Variants in ADK observed in about 807,000 individuals in gnomAD.
The protein encoded by ADK is adenosine kinase.
A neutral mutation model predicts 44.7 loss-of-function variants in ADK; 24 were observed. The observed-to-expected ratio is 0.54, with a 90% CI of 0.39 to 0.76. The LOEUF is 0.76. ADK is among the 30% of genes least tolerant of loss of function. The pLI, the probability that ADK is intolerant of heterozygous loss-of-function variation, is 0.00. For missense variants in ADK, 321 were observed against 425.1 expected (o/e 0.76, Z 2.15); for synonymous variants, 128 against 142.6 (o/e 0.90, Z 0.73).
intron 9 of ADK, among the ~76,000 whole-genome samples, chr10:74,649,052 C>T (rs1479527926): frequency 6.6e-6 from 1 of 151,636 alleles, no homozygotes; most frequent in Non-Finnish European, 1.5e-5. Flanking sequence ...TGGTGGCACG[C>T]AGCCTGTAGT....
intron 9 of ADK, among the ~76,000 whole-genome samples, chr10:74,668,228 A>G (rs1855037406): frequency 6.6e-6 from 1 of 152,132 alleles, no homozygotes; most frequent in Non-Finnish European, 1.5e-5. Flanking sequence ...ATAAGTATTT[A>G]TGGTACAGAC....
intron 4 of ADK, among the ~76,000 whole-genome samples, chr10:74,330,012 A>G: frequency 6.6e-6 from 1 of 151,976 alleles, no homozygotes; most frequent in Non-Finnish European, 1.5e-5. Context: ...TAATAAAAAA[A>G]AAAAAATTAG....
chr10:74,256,304 C>T (rs1307502808), intron 3 of ADK, among the ~76,000 whole-genome samples: 1 of 152,114 alleles, frequency 6.6e-6, no homozygotes, highest in Non-Finnish European at 1.5e-5. Flanking sequence ...GTCAAATTTG[C>T]AGTTTTGAAA....
intron 10 of ADK, among the ~76,000 whole-genome samples, chr10:74,699,397 G>A (rs1856333013): frequency 1.3e-5 from 2 of 152,030 alleles, no homozygotes; most frequent in Non-Finnish European, 2.9e-5. Flanking sequence ...ATAGAGTGAG[G>A]CCAGGCATGG....
chr10:74,361,046 T>G (rs1463546036), intron 4 of ADK, among the ~76,000 whole-genome samples: 1 of 152,196 alleles, frequency 6.6e-6, no homozygotes, highest in Non-Finnish European at 1.5e-5. Flanking sequence ...TAGCTGGGAC[T>G]ACAGGCGTGC....
chr10:74,617,011 A>G (rs904551007), intron 9 of ADK, among the ~76,000 whole-genome samples: 23 of 151,932 alleles, frequency 1.5e-4, no homozygotes, highest in African/African-American at 5.1e-4. Flanking sequence ...TTTGTTTTTT[A>G]CTGGTATATA....
chr10:74,343,036 A>G (rs527639984), intron 4 of ADK, among the ~76,000 whole-genome samples: 1 of 152,304 alleles, frequency 6.6e-6, no homozygotes, highest in South Asian at 2.1e-4. Flanking sequence ...AGTGGCAAGA[A>G]GAGATGTCCC....
chr10:74,656,808 A>G (rs1186965832), intron 9 of ADK, among the ~76,000 whole-genome samples: 2 of 152,196 alleles, frequency 1.3e-5, no homozygotes, highest in Admixed American at 6.5e-5. Context: ...TAAATAAATA[A>G]TCAAATGTTA....
intron 2 of ADK, among the ~76,000 whole-genome samples, chr10:74,218,244 T>G (rs1204599590): frequency 6.6e-6 from 1 of 152,126 alleles, no homozygotes; most frequent in Non-Finnish European, 1.5e-5. Context: ...GGAGCCGATG[T>G]GATCAACTGG....
At chr10:74,232,952 G>A (rs1212064762) in intron 3 of ADK, among the ~76,000 whole-genome samples, 1 of 152,130 alleles carries the variant, frequency 6.6e-6, no homozygotes, top group Non-Finnish European at 1.5e-5. Flanking sequence ...GATTAAACAT[G>A]GTCTTATATT....
intron 7 of ADK, among the ~76,000 whole-genome samples, chr10:74,542,597 T>C (rs1161129658): frequency 6.6e-6 from 1 of 152,176 alleles, no homozygotes; most frequent in Admixed American, 6.5e-5. Context: ...GTGTCGCTCC[T>C]CCCTTATCCC....
chr10:74,435,032 T>C (rs1249863849), intron 6 of ADK, among the ~76,000 whole-genome samples: 1 of 151,910 alleles, frequency 6.6e-6, no homozygotes, highest in African/African-American at 2.4e-5. Flanking sequence ...CCTCAGAGAG[T>C]TTAAGAATCA....
intron 8 of ADK, among the ~76,000 whole-genome samples, chr10:74,591,411 G>C (rs1021455570): frequency 8.4e-4 from 128 of 152,268 alleles, no homozygotes; most frequent in African/African-American, 3.0e-3. Context: ...GTCTTGATGT[G>C]TCTCTTCGTA....
chr10:74,180,036 C>G (rs1359075772), intron 1 of ADK, among the ~76,000 whole-genome samples: 1 of 151,994 alleles, frequency 6.6e-6, no homozygotes, highest in African/African-American at 2.4e-5. Context: ...GTCCAATGTT[C>G]TTGTTTTATA....
chr10:74,413,497 T>G (rs973592153), intron 6 of ADK, among the ~76,000 whole-genome samples: 11 of 152,336 alleles, frequency 7.2e-5, no homozygotes, highest in Middle Eastern at 3.4e-3. Context: ...CTCTCTTAGC[T>G]TCAGACTTTT....
chr10:74,313,919 A>G (rs909971448), intron 3 of ADK, among the ~76,000 whole-genome samples: 13 of 151,836 alleles, frequency 8.6e-5, no homozygotes, highest in Non-Finnish European at 4.4e-5. Flanking sequence ...ACCCATGCAT[A>G]TTTTGATTGC....
chr10:74,663,066 T>G (rs1159023010), intron 9 of ADK, among the ~76,000 whole-genome samples: 1 of 151,682 alleles, frequency 6.6e-6, no homozygotes, highest in Non-Finnish European at 1.5e-5. Flanking sequence ...TGAAACCCTA[T>G]CTCTACTAAA....
At chr10:74,684,729 A>T (rs1855729306) in intron 10 of ADK, among the ~76,000 whole-genome samples, 2 of 152,298 alleles carry the variant, frequency 1.3e-5, no homozygotes, top group South Asian at 4.1e-4. Flanking sequence ...CCGTGATCAC[A>T]CCACTGCATT....
At chr10:74,347,405 T>C (rs1841813849) in intron 4 of ADK, among the ~76,000 whole-genome samples, 1 of 152,038 alleles carries the variant, frequency 6.6e-6, no homozygotes, top group Non-Finnish European at 1.5e-5. Flanking sequence ...ATGATTTTCC[T>C]ATGGTTTTTG....
Sources: allele counts gnomAD v4.1 joint callset (sites outside exome capture counted in the v4.1 genomes callset), GRCh38; gene constraint gnomAD v4.1.1; transcripts MANE v1.5; gene names NCBI Gene and HGNC (gene_info 2026-07-23, HGNC 2026-07-21).